Variants in MCC observed in about 807,000 individuals in gnomAD.
MCC encodes colorectal mutant cancer protein.
MCC carries 90 observed loss-of-function variants against 116.2 expected under a neutral mutation model. The observed-to-expected ratio is 0.77, with a 90% CI of 0.65 to 0.92. The LOEUF (loss-of-function observed/expected upper bound fraction) is 0.92. Among genes scored for constraint, MCC ranks in the 40% least tolerant of loss-of-function variants. MCC has a pLI of 0.00. For synonymous variants in MCC, 578 were observed against 510.5 expected, an observed-to-expected ratio of 1.13 and a Z score of -1.78; for missense variants, 1,516 against 1,312.2, an observed-to-expected ratio of 1.16 and a Z score of -2.40.
intron 3 of MCC, among the ~76,000 whole-genome samples, chr5:113,321,369 T>C (rs1432437731): frequency 2.6e-5 from 4 of 152,226 alleles, no homozygotes; most frequent in Non-Finnish European, 4.4e-5. Context: ...TCTTGGTTTC[T>C]GGAACCTGAA....
intron 3 of MCC, among the ~76,000 whole-genome samples, chr5:113,288,318 T>C (rs1255247794): frequency 1.3e-5 from 2 of 152,250 alleles, no homozygotes; most frequent in Non-Finnish European, 2.9e-5. Context: ...CTTAAGATAT[T>C]TAAAGCTTTA....
intron 14 of MCC, among the ~76,000 whole-genome samples, chr5:113,054,949 G>A (rs1049745647): frequency 6.6e-6 from 1 of 152,212 alleles, no homozygotes; most frequent in Non-Finnish European, 1.5e-5. Context: ...ACTCCACTCG[G>A]TTGAGGACTC....
At chr5:113,201,383 T>A (rs1478053387) in intron 3 of MCC, among the ~76,000 whole-genome samples, 1 of 45,370 alleles carries the variant, frequency 2.2e-5, no homozygotes, top group African/African-American at 8.9e-5. Context: ...CAAAACGCCA[T>A]CTCCAAAAAA....
intron 1 of MCC, among the ~76,000 whole-genome samples, chr5:113,420,049 AAAAAG>A (rs908380218): frequency 8.0e-4 from 121 of 150,946 alleles, no homozygotes; most frequent in African/African-American, 2.8e-3. Flanking sequence ...AATAAAAATA[AAAAAG>A]AAAAGAAAAA....
chr5:113,215,012 TTGGAACACAATCCCCATTTCCCTTACC>T lies in MCC; in HGVS notation c.628-63617_628-63591del, dbSNP rs556490433. Among the ~76,000 whole-genome samples, 889 of 138,938 alleles carry T rather than the reference TTGGAACACAATCCCCATTTCCCTTACC, an allele frequency of 6.4e-3. 6 individuals carry two copies. The highest frequency in any genetic ancestry group is 0.03 in the African/African-American group (862 of 29,148). The allele number at this position is 138,938 out of a possible 152,430, so 91.1% of individuals were successfully genotyped here. ...TTTGCACACAAACCATTTCCCTTAC[TTGGAACACAATCCCCATTTCCCTTACC>T]TGGAACACAATCCTCATCTCTCCCA... On this transcript the variant is annotated intron_variant, in intron 3 of 18. Coordinates refer to ENST00000408903, the MANE Select transcript of MCC (RefSeq NM_001085377.2).
intron 17 of MCC, among the ~76,000 whole-genome samples, chr5:113,036,991 T>C (rs921909770): frequency 2.6e-5 from 4 of 152,344 alleles, no homozygotes; most frequent in Non-Finnish European, 4.4e-5. Context: ...ACAACTTCCA[T>C]TGCTTGATTG....
intron 3 of MCC, among the ~76,000 whole-genome samples, chr5:113,303,590 G>A (rs1045740977): frequency 4.6e-5 from 7 of 152,200 alleles, no homozygotes; most frequent in African/African-American, 1.7e-4. Context: ...TCATTAAGTG[G>A]TGGTGATAGA....
At chr5:113,119,903 C>A (rs1224149051) in intron 6 of MCC, among the ~76,000 whole-genome samples, 1 of 152,226 alleles carries the variant, frequency 6.6e-6, no homozygotes, top group African/African-American at 2.4e-5. Context: ...TAGGTGGACA[C>A]TGCCTTCTGT....
chr5:113,101,221 C>T (rs906001566), intron 8 of MCC, among the ~76,000 whole-genome samples: 1 of 152,068 alleles, frequency 6.6e-6, no homozygotes, highest in African/African-American at 2.4e-5. Flanking sequence ...CACATACACA[C>T]ATACATATAT....
At chr5:113,410,625 T>A (rs951628068) in intron 1 of MCC, among the ~76,000 whole-genome samples, 1 of 152,234 alleles carries the variant, frequency 6.6e-6, no homozygotes, top group Non-Finnish European at 1.5e-5. Context: ...TATTTTTAAA[T>A]TATACTTTAA....
intron 3 of MCC, among the ~76,000 whole-genome samples, chr5:113,327,561 A>ATATATATATAT (rs1554076392): frequency 2.0e-4 from 16 of 80,558 alleles, no homozygotes; most frequent in East Asian, 5.7e-4. Flanking sequence ...AAAAAAAAAA[A>ATATATATATAT]ATATATATAT....
intron 1 of MCC, among the ~76,000 whole-genome samples, chr5:113,411,768 T>G (rs899166009): frequency 1.3e-5 from 2 of 152,226 alleles, no homozygotes; most frequent in African/African-American, 2.4e-5. Context: ...AGAAGCTCTT[T>G]AGTTTAATTA....
chr5:113,213,227 T>A lies in MCC; in HGVS notation c.628-61805A>T, dbSNP rs766392636. On this transcript the variant is annotated intron_variant, in intron 3 of 18. Coordinates refer to ENST00000408903, the MANE Select transcript of MCC (RefSeq NM_001085377.2). ...ACTTTCCGCTGAAAAAGTATGCTCATAGAACTAGGAATAAACATTAAAGCA... is the reference window on the plus strand; with the variant it reads ...ACTTTCCGCTGAAAAAGTATGCTCAAAGAACTAGGAATAAACATTAAAGCA... 5.9e-5 allele frequency among the ~76,000 whole-genome samples: 9 copies of A among 152,258 alleles called. No individual in the cohort carries two copies. The East Asian group carries it at 1.7e-3, about 29-fold the overall frequency.
intron 1 of MCC, among the ~76,000 whole-genome samples, chr5:113,401,041 A>G (rs26960): frequency 0.63 from 95,602 of 152,074 alleles, 32,724 homozygotes; most frequent in African/African-American, 0.91. Flanking sequence ...CTTGGAAGAG[A>G]CCTAATACAT....
intron 3 of MCC, among the ~76,000 whole-genome samples, chr5:113,321,878 C>T (rs1371936534): frequency 6.6e-6 from 1 of 152,180 alleles, no homozygotes; most frequent in Admixed American, 6.6e-5. Context: ...GTTGCCCAGG[C>T]TGGAGTGCAA....
chr5:113,150,065 C>A (rs901742550), intron 4 of MCC, among the ~76,000 whole-genome samples: 2 of 152,104 alleles, frequency 1.3e-5, no homozygotes, highest in Admixed American at 6.5e-5. Flanking sequence ...TTGGAGACTG[C>A]CCTCAGGACT....
chr5:113,270,016 G>C (rs1765552539), intron 3 of MCC, among the ~76,000 whole-genome samples: 1 of 152,192 alleles, frequency 6.6e-6, no homozygotes, highest in Non-Finnish European at 1.5e-5. Flanking sequence ...ATAAGAAAAT[G>C]TTTCAGGGAA....
intron 16 of MCC, among the ~76,000 whole-genome samples, chr5:113,046,739 G>C (rs1313954681): frequency 1.5e-5 from 2 of 137,160 alleles, no homozygotes; most frequent in African/African-American, 5.4e-5. Flanking sequence ...TGTTTGTATG[G>C]AACCTCATCT....
chr5:113,352,045 A>C (rs927025735), intron 2 of MCC, among the ~76,000 whole-genome samples: 1 of 152,192 alleles, frequency 6.6e-6, no homozygotes, highest in African/African-American at 2.4e-5. Flanking sequence ...AAAATCTCAG[A>C]TCTTCTGCTA....
Sources: gnomAD v4.1 joint callset for allele counts (sites outside exome capture counted in the v4.1 genomes callset) on GRCh38, gnomAD v4.1.1 for gene constraint, MANE v1.5 for transcripts, NCBI Gene and HGNC (gene_info 2026-07-23, HGNC 2026-07-21) for gene names.